Variants in GRM1 observed in about 807,000 individuals in gnomAD.
The protein encoded by GRM1 is glutamate metabotropic receptor 1.
In GRM1, 33 loss-of-function variants were observed where a neutral mutation model predicts 90.9. That is an observed-to-expected ratio of 0.36 (90% CI 0.28 to 0.49). The LOEUF is 0.49. GRM1 is among the 20% of genes least tolerant of loss of function. The probability of loss-of-function intolerance (pLI) is 0.99; values close to 1 mark genes in which losing one functional copy is unlikely to be tolerated. For synonymous variants in GRM1, 700 were observed against 613.2 expected (o/e 1.14, Z -2.09); for missense variants, 1,190 against 1,534.3 (o/e 0.78, Z 3.75).
intron 1 of GRM1, among the ~76,000 whole-genome samples, chr6:146,132,884 G>T (rs1027596603): frequency 6.6e-6 from 1 of 152,266 alleles, no homozygotes; most frequent in East Asian, 1.9e-4. Flanking sequence ...TCTTCCATTT[G>T]TTTGTCTCCA....
At chr6:146,295,876 C>T (rs1368403917) in intron 2 of GRM1, among the ~76,000 whole-genome samples, 1 of 152,022 alleles carries the variant, frequency 6.6e-6, no homozygotes, top group African/African-American at 2.4e-5. Context: ...TGCTCCTCTC[C>T]CATCCTTCAC....
At chr6:146,074,496 A>T (rs1776118510) in intron 1 of GRM1, among the ~76,000 whole-genome samples, 1 of 151,982 alleles carries the variant, frequency 6.6e-6, no homozygotes, top group Admixed American at 6.6e-5. Flanking sequence ...CCACCCAGAG[A>T]CCTGGAAGTC....
intron 2 of GRM1, among the ~76,000 whole-genome samples, chr6:146,203,406 T>G (rs1196568733): frequency 3.3e-5 from 5 of 152,018 alleles, no homozygotes; most frequent in Non-Finnish European, 7.4e-5. Context: ...GTCCTCTGTT[T>G]CCAGCTAGCA....
chr6:146,303,918 A>G (rs1349768244), intron 2 of GRM1, among the ~76,000 whole-genome samples: 2 of 152,218 alleles, frequency 1.3e-5, no homozygotes, highest in East Asian at 3.9e-4. Context: ...GGAATGTTCT[A>G]GAAGGTGATC....
chr6:146,179,126 A>C (rs963839244), intron 2 of GRM1, among the ~76,000 whole-genome samples: 6 of 152,144 alleles, frequency 3.9e-5, no homozygotes, highest in Non-Finnish European at 8.8e-5. Context: ...CAAATATACA[A>C]ATTGGGAGAA....
chr6:146,150,926 ACGCGTG>A (rs1462115913), intron 1 of GRM1, among the ~76,000 whole-genome samples: 5 of 88,418 alleles, frequency 5.7e-5, no homozygotes, highest in African/African-American at 1.4e-4. Context: ...AAACACACAC[ACGCGTG>A]TGCGCGCACA....
rs752545752 is a variant in GRM1 at position 146,398,953 on chromosome 6, C to A, written c.1914C>A (p.Ile638=). The change falls in exon 7 of 8, where the codon ATC becomes ATA. Residue 638 remains isoleucine (I), a synonymous_variant. Transcript: ENST00000282753. ...TCTGCTACATCATCCTAGCTGGCATCTTCCTTGGTTATGTGTGCCCATTCA... is the reference window on the plus strand; with the variant it reads ...TCTGCTACATCATCCTAGCTGGCATATTCCTTGGTTATGTGTGCCCATTCA... ...RELCYIILAG[I]FLGYVCPFTL... is the part of the protein sequence containing the mutation. 3 of 1,614,142 alleles carry A rather than the reference C, an allele frequency of 1.9e-6. No individual in the cohort carries two copies. Among genetic ancestry groups the A allele is most frequent in the Non-Finnish European group, 2.5e-6 (3 of 1,180,004 alleles).
intron 2 of GRM1, among the ~76,000 whole-genome samples, chr6:146,164,439 T>G (rs931182458): frequency 5.3e-5 from 8 of 152,230 alleles, no homozygotes; most frequent in African/African-American, 1.7e-4. Flanking sequence ...TTTTAATAAC[T>G]ACATCAAAAA....
chr6:146,129,844 T>G (rs1776328022), intron 1 of GRM1, among the ~76,000 whole-genome samples: 1 of 152,202 alleles, frequency 6.6e-6, no homozygotes, highest in Non-Finnish European at 1.5e-5. Flanking sequence ...AGTTATCATC[T>G]CAGTATCATG....
intron 2 of GRM1, among the ~76,000 whole-genome samples, chr6:146,238,249 G>A (rs971124923): frequency 6.6e-6 from 1 of 152,138 alleles, no homozygotes; most frequent in African/African-American, 2.4e-5. Flanking sequence ...AAAATGGATA[G>A]GACCTTGAAA....
chr6:146,400,809 A>G (rs1777131225), intron 7 of GRM1, among the ~76,000 whole-genome samples: 1 of 152,188 alleles, frequency 6.6e-6, no homozygotes, highest in South Asian at 2.1e-4. Context: ...TAAGGTACAC[A>G]TTGTTAATAA....
chr6:146,052,439 C>T (rs115438904), intron 1 of GRM1, among the ~76,000 whole-genome samples: 75 of 152,124 alleles, frequency 4.9e-4, no homozygotes, highest in African/African-American at 1.8e-3. Context: ...GGAAATCAGA[C>T]TCAGGTGTTC....
intron 3 of GRM1, among the ~76,000 whole-genome samples, chr6:146,342,970 CT>C (rs555298710): frequency 3.7e-4 from 55 of 149,024 alleles, no homozygotes; most frequent in African/African-American, 8.1e-4. Context: ...CAGATTTCAT[CT>C]TTTTTTTTTC....
intron 1 of GRM1, among the ~76,000 whole-genome samples, chr6:146,150,632 G>A (rs1363511835): frequency 1.3e-5 from 2 of 151,936 alleles, no homozygotes; most frequent in Non-Finnish European, 2.9e-5. Flanking sequence ...TCACCCTGTG[G>A]TGCTACTAAA....
chr6:146,186,556 C>A (rs1355644921), intron 2 of GRM1, among the ~76,000 whole-genome samples: 1 of 152,164 alleles, frequency 6.6e-6, no homozygotes, highest in Non-Finnish European at 1.5e-5. Context: ...CCTGAGTTTA[C>A]TGGGTACATG....
At chr6:146,345,145 T>G (rs985809425) in intron 3 of GRM1, among the ~76,000 whole-genome samples, 1 of 152,202 alleles carries the variant, frequency 6.6e-6, no homozygotes, top group Non-Finnish European at 1.5e-5. Flanking sequence ...CATGTGTTGC[T>G]AATACTGTAG....
At chr6:146,244,032 T>A (rs1780964056) in intron 2 of GRM1, among the ~76,000 whole-genome samples, 1 of 152,166 alleles carries the variant, frequency 6.6e-6, no homozygotes, top group African/African-American at 2.4e-5. Context: ...CCAGACCTAA[T>A]GGTTATCTCC....
At chr6:146,292,614 A>T (rs911268154) in intron 2 of GRM1, among the ~76,000 whole-genome samples, 1 of 151,990 alleles carries the variant, frequency 6.6e-6, no homozygotes, top group Non-Finnish European at 1.5e-5. Flanking sequence ...AAAAATGTAG[A>T]TAACAATAAT....
intron 1 of GRM1, among the ~76,000 whole-genome samples, chr6:146,145,571 T>G (rs930304911): frequency 2.0e-5 from 3 of 152,180 alleles, no homozygotes; most frequent in African/African-American, 7.2e-5. Flanking sequence ...GGCGTCCACA[T>G]GGTGCTAATT....
Sources: gnomAD v4.1 joint callset for allele counts (sites outside exome capture counted in the v4.1 genomes callset) on GRCh38, gnomAD v4.1.1 for gene constraint, MANE v1.5 for transcripts, NCBI Gene and HGNC (gene_info 2026-07-23, HGNC 2026-07-21) for gene names.